The following DST variants were observed in gnomAD, a reference collection of about 807,000 sequenced individuals.
DST encodes the protein bullous pemphigoid antigen.
In DST, 253 loss-of-function variants were observed where a neutral mutation model predicts 875.2. The ratio of observed to expected loss-of-function variants is 0.29; its 90% CI spans 0.26 to 0.32. DST has a LOEUF of 0.32. DST is among the 10% of genes least tolerant of loss of function. The pLI, the probability that DST is intolerant of heterozygous loss-of-function variation, is 1.00. For synonymous variants in DST, 3,124 were observed against 3,197.1 expected (o/e 0.98, Z 0.77); for missense variants, 8,287 against 9,111.6 (o/e 0.91, Z 3.68).
chr6:56,692,744 T>C, intron 9 of DST: 1 of 1,289,772 alleles, frequency 7.8e-7, no homozygotes, highest in South Asian at 1.2e-5. Flanking sequence ...TCACTAACTT[T>C]TACTTCTGTT....
intron 9 of DST, among the ~76,000 whole-genome samples, chr6:56,691,840 C>A (rs1482360486): frequency 6.6e-6 from 1 of 152,044 alleles, no homozygotes; most frequent in East Asian, 1.9e-4. Flanking sequence ...AAAAGATGTA[C>A]CCTAGCCCTC....
At chr6:56,815,300 T>C (rs2099765273) in intron 4 of DST, among the ~76,000 whole-genome samples, 1 of 152,126 alleles carries the variant, frequency 6.6e-6, no homozygotes, top group Admixed American at 6.5e-5. Flanking sequence ...GCAGTATATA[T>C]AAGACTTGTT....
At chr6:56,804,222 C>G (rs992264238) in intron 4 of DST, among the ~76,000 whole-genome samples, 5 of 152,104 alleles carry the variant, frequency 3.3e-5, no homozygotes, top group Non-Finnish European at 7.4e-5. Flanking sequence ...GCATGGTAAT[C>G]AGAGAGATCA....
Position 56,532,456 on chromosome 6 carries a change from C to G in DST, c.16996G>C (p.Glu5666Gln). Reference protein sequence around the residue: ...RKSTVEVIKREGEKIATTAEP... With the variant: ...RKSTVEVIKRQGEKIATTAEP... The stretch of plus-strand genomic sequence containing the variant: ...GCTGTTGTAGCAATTTTTTCTCCTT[C>G]TCGTTTGATTACCTCCACCGTAGAT... Residue 5666 changes from glutamate to glutamine, a missense_variant, in exon 64 of 104, where the codon GAA becomes CAA. Physicochemically the swap from Glu to Gln is conservative, Grantham distance 29. This residue lies in a region of DST where 777 missense variants were observed against 764.8 expected (regional missense o/e 1.02). Coordinates refer to ENST00000680361, the MANE Select transcript of DST (RefSeq NM_001374736.1). 6.2e-7 allele frequency: 1 copy of G among 1,611,494 alleles called. No individual in the cohort carries two copies. Among genetic ancestry groups the G allele is most frequent in the Non-Finnish European group, 8.5e-7 (1 of 1,178,674 alleles).
rs758253436 is a variant in DST at position 56,593,839 on chromosome 6, C to T, written c.12550G>A (p.Val4184Ile). 3.1e-6 allele frequency: 5 copies of T among 1,613,874 alleles called. No individual in the cohort carries two copies. The highest frequency in any genetic ancestry group is 2.2e-5 in the East Asian group (1 of 44,864). ...CTCAAGTCACCTTTGTGAGAAATAA[C>T]GTCTTCTGAGAAACTCTTCTGCCTC... ...LKRQKSFSEDVISHKGDLRYI... is the reference protein window; with the variant it reads ...LKRQKSFSEDIISHKGDLRYI... The change falls in exon 48 of 104, where the codon GTT becomes ATT. Residue 4184 changes from valine (V) to isoleucine (I), a missense_variant. Transcript: ENST00000680361.
At chr6:56,466,014 G>C (rs1312055452) in intron 99 of DST, 64 bp downstream of exon 99, 11 of 1,304,740 alleles carry the variant, frequency 8.4e-6, no homozygotes, top group Non-Finnish European at 1.2e-5. Flanking sequence ...AGTATGTTTT[G>C]GTGCTGGATA....
chr6:56,468,023 AAATT>A (rs2094673412), intron 98 of DST, among the ~76,000 whole-genome samples: 1 of 152,208 alleles, frequency 6.6e-6, no homozygotes, highest in African/African-American at 2.4e-5. Context: ...TATTTTAAAT[AAATT>A]ATTTGCTTGC....
chr6:56,736,821 A>G (rs1277253575), intron 4 of DST, among the ~76,000 whole-genome samples: 1 of 152,238 alleles, frequency 6.6e-6, no homozygotes, highest in African/African-American at 2.4e-5. Flanking sequence ...AAGAAGAAAA[A>G]GATTAACATT....
At chr6:56,692,809 CTCGGCAGAAG>C (rs748273464) in intron 9 of DST, 1 of 1,289,848 alleles carries the variant, frequency 7.8e-7, no homozygotes, top group Non-Finnish European at 1.0e-6. Context: ...GCTTACAGCA[CTCGGCAGAAG>C]TTTCTGTTTA....
intron 4 of DST, among the ~76,000 whole-genome samples, chr6:56,844,742 G>A (rs192135211): frequency 7.3e-4 from 111 of 152,100 alleles, no homozygotes; most frequent in African/African-American, 2.6e-3. Context: ...GCGTGGTGGC[G>A]GGTACCTATA....
At chr6:56,931,731 G>A (rs1019643609) in intron 2 of DST, among the ~76,000 whole-genome samples, 2 of 152,198 alleles carry the variant, frequency 1.3e-5, no homozygotes, top group African/African-American at 4.8e-5. Flanking sequence ...AAATTTGACT[G>A]CCCTGCTGGA....
At position 56,954,714 on chromosome 6, in the gene DST, G is replaced by T. The variant is rs1330784743; in HGVS notation, c.-127C>A. The T allele has an allele frequency of 2.2e-6, 1 of 459,074 alleles. No individual in the cohort carries two copies. The highest frequency in any genetic ancestry group is 2.1e-5 in the African/African-American group (1 of 46,704). The allele number at this position is 459,074 out of a possible 1,614,324, so 28.4% of individuals were successfully genotyped here. A position where few individuals can be genotyped will look rare whatever the true frequency, so the allele number is the denominator to read the frequency against. On this transcript the variant is annotated 5_prime_UTR_variant, in exon 1 of 104. Transcript: ENST00000680361. ...GCTCAGCGCGTCATGCCTGGCGCTC[G>T]CGGCCCCGCGCCCAGCCCAATGGCT...
At chr6:56,485,632 A>G (rs1021604601) in intron 87 of DST, among the ~76,000 whole-genome samples, 161 bp from the exon 88 acceptor site, 2 of 152,232 alleles carry the variant, frequency 1.3e-5, no homozygotes, top group African/African-American at 4.8e-5. Flanking sequence ...AAAAGACAAA[A>G]CTTTTCTAAA....
At chr6:56,618,069 C>A (rs2098646181) in intron 36 of DST, 1 of 1,613,958 alleles carries the variant, frequency 6.2e-7, no homozygotes, top group South Asian at 1.1e-5. Context: ...TTGTTCAGGG[C>A]TTGGTCTCTT....
At chr6:56,716,953 G>A (rs907860476) in intron 5 of DST, among the ~76,000 whole-genome samples, 3 of 152,092 alleles carry the variant, frequency 2.0e-5, no homozygotes, top group South Asian at 2.1e-4. Context: ...AGGCCAAGGC[G>A]GGCGGATCAC....
At chr6:56,505,876 A>C (rs2152467067) in intron 77 of DST, among the ~76,000 whole-genome samples, 1 of 152,188 alleles carries the variant, frequency 6.6e-6, no homozygotes, top group South Asian at 2.1e-4. Flanking sequence ...CTGAATGAAA[A>C]CCCTTAAGTG....
At chr6:56,844,414 C>A (rs1297221319) in intron 4 of DST, among the ~76,000 whole-genome samples, 1 of 152,216 alleles carries the variant, frequency 6.6e-6, no homozygotes, top group Non-Finnish European at 1.5e-5. Flanking sequence ...CTCCCTCCTG[C>A]TCTCTCCTTA....
At chr6:56,471,498 A>T (rs2094889804) in intron 94 of DST, among the ~76,000 whole-genome samples, 1 of 152,126 alleles carries the variant, frequency 6.6e-6, no homozygotes, top group South Asian at 2.1e-4. Context: ...TTAAGCTGTA[A>T]ATTTCTGATT....
At chr6:56,583,863 C>A (rs1003734471) in intron 49 of DST, among the ~76,000 whole-genome samples, 1 of 152,068 alleles carries the variant, frequency 6.6e-6, no homozygotes, top group Non-Finnish European at 1.5e-5. Flanking sequence ...AATCCTTTCC[C>A]CATTGCTTTT....
Sources: allele counts gnomAD v4.1 joint callset (sites outside exome capture counted in the v4.1 genomes callset), GRCh38; gene constraint gnomAD v4.1.1; regional missense constraint gnomAD v4.1.1; transcripts MANE v1.5; gene names NCBI Gene and HGNC (gene_info 2026-07-23, HGNC 2026-07-21).